The following ACR variants were observed in gnomAD, a reference collection of about 807,000 sequenced individuals.
The protein encoded by ACR is acrosin light and heavy chain prepropeptide.
A neutral mutation model predicts 26.0 loss-of-function variants in ACR; 17 were observed. The ratio of observed to expected loss-of-function variants is 0.65; its 90% CI spans 0.45 to 0.98. The LOEUF (loss-of-function observed/expected upper bound fraction) is 0.98. Among genes scored for constraint, ACR ranks in the 50% least tolerant of loss-of-function variants. ACR has a pLI of 0.00. For synonymous variants in ACR, 199 were observed against 207.7 expected (o/e 0.96, Z 0.36); for missense variants, 435 against 519.3 (o/e 0.84, Z 1.58).
rs781501868 is a variant in ACR at position 50,744,688 on chromosome 22, C to T, written c.747C>T (p.Ser249=). Residue 249 remains serine (S), a synonymous_variant, in exon 5 of 5, where the codon AGC becomes AGT. Coordinates refer to ENST00000216139, the MANE Select transcript of ACR (RefSeq NM_001097.3). ...GCGGGCCTCTCATGTGCAAAGACAG[C>T]AAGGAAAGCGCCTATGTGGTCGTGG... The part of the protein sequence containing the change: ...DSGGPLMCKD[S]KESAYVVVGI... 9.3e-6 allele frequency: 15 copies of T among 1,613,038 alleles called. No homozygotes were observed. Among genetic ancestry groups the T allele is most frequent in the Non-Finnish European group, 1.2e-5 (14 of 1,179,730 alleles).
In ACR at chr22:50,744,703, T is replaced by C. The variant is rs2083441395; in HGVS notation, c.762T>C (p.Tyr254=). The change falls in exon 5 of 5, where the codon TAT becomes TAC. Residue 254 remains tyrosine (Y), a synonymous_variant. Transcript: ENST00000216139. ...GCAAAGACAGCAAGGAAAGCGCCTA[T>C]GTGGTCGTGGGAATCACAAGCTGGG... ...LMCKDSKESA[Y]VVVGITSWGV... The C allele has an allele frequency of 2.5e-6, 4 of 1,613,376 alleles. No individual in the cohort carries two copies. Among genetic ancestry groups the C allele is most frequent in the Non-Finnish European group, 2.5e-6 (3 of 1,179,836 alleles).
Position 50,739,663 on chromosome 22 carries a change from G to A in ACR, c.282-31G>A, listed in dbSNP as rs1242902827. 6.5e-7 allele frequency: 1 copy of A among 1,537,968 alleles called. No homozygotes were observed. Among genetic ancestry groups the A allele is most frequent in the African/African-American group, 1.4e-5 (1 of 72,624 alleles). ...CTGTCACCAGGCTTTTGTCCAGCCG[G>A]TTGTGACCTGGCTTACCTTTGTGCC... On this transcript the variant is annotated intron_variant, in intron 2 of 4. Transcript: ENST00000216139. This position sits in a 1 kb window ranked among gnomAD's most constrained non-coding sequence, Gnocchi z 5.5.
chr22:50,738,993 G>A (rs2083411456), intron 1 of ACR, among the ~76,000 whole-genome samples: 1 of 152,166 alleles, frequency 6.6e-6, no homozygotes, highest in South Asian at 2.1e-4. Context: ...CCCAGGGACG[G>A]GCCATCCCTC....
Position 50,739,647 on chromosome 22 carries a change from G to C in ACR, c.282-47G>C, listed in dbSNP as rs776310766. ...AAGGCCCTGAGGGTCGCTGTCACCAGGCTTTTGTCCAGCCGGTTGTGACCT... is the reference window on the plus strand; with the variant it reads ...AAGGCCCTGAGGGTCGCTGTCACCACGCTTTTGTCCAGCCGGTTGTGACCT... On this transcript the variant is annotated intron_variant, in intron 2 of 4. Coordinates refer to ENST00000216139, the MANE Select transcript of ACR (RefSeq NM_001097.3). This position sits in a 1 kb window ranked among gnomAD's most constrained non-coding sequence, Gnocchi z 5.5. 1.3e-6 allele frequency: 2 copies of C among 1,541,016 alleles called. No individual in the cohort carries two copies. The highest frequency in any genetic ancestry group is 1.7e-6 in the Non-Finnish European group (2 of 1,144,434).
At position 50,745,100 on chromosome 22, in the gene ACR, C is replaced by T. The variant is rs1284811803; in HGVS notation, c.1159C>T (p.Arg387Cys). ...TCCCCAAGGACTTTCTTTTGCCAAG[C>T]GCCTACAGCAGCTCATAGAGGTCTT... Reference protein sequence around the residue: ...KLPQGLSFAKRLQQLIEVLKG... With the variant: ...KLPQGLSFAKCLQQLIEVLKG... The change falls in exon 5 of 5, where the codon CGC becomes TGC. Residue 387 changes from arginine to cysteine, a missense_variant. By Grantham distance (180) the Arg-to-Cys change is radical. This residue lies in a region of ACR where 92 missense variants were observed against 87.8 expected (regional missense o/e 1.05). Transcript: ENST00000216139. The T allele has an allele frequency of 1.9e-5, 14 of 727,300 alleles. No individual in the cohort carries two copies. The highest frequency in any genetic ancestry group is 6.6e-5 in the Admixed American group (2 of 30,122). 45.1% of individuals were successfully genotyped at this position (727,300 alleles called of 1,614,324 possible). A position where few individuals can be genotyped will look rare whatever the true frequency, so the allele number is the denominator to read the frequency against.
At chr22:50,738,870 C>T (rs2083410822) in intron 1 of ACR, among the ~76,000 whole-genome samples, 1 of 152,066 alleles carries the variant, frequency 6.6e-6, no homozygotes, top group Non-Finnish European at 1.5e-5. Context: ...CAACGACCCC[C>T]TTCATCACCT....
intron 3 of ACR, 71 bp from the exon 4 acceptor site, chr22:50,743,990 G>A (rs1487953573): frequency 1.4e-5 from 16 of 1,125,830 alleles, no homozygotes; most frequent in Middle Eastern, 2.1e-4. Flanking sequence ...GATGGGGTTC[G>A]GTGGGGCAAG....
rs1569122944 is a variant in ACR, at chr22:50,739,287, CGGTTCA to C, written c.97_102del (p.Phe33_Arg34del). 2 of 1,580,410 alleles carry C rather than the reference CGGTTCA, an allele frequency of 1.3e-6. No homozygotes were observed. The highest frequency in any genetic ancestry group is 4.6e-5 in the East Asian group (2 of 43,128). ...TCTCCCCAGTGGCCCCTGTGGGTTA[CGGTTCA>C]GGCAAAACCCACAGGGTGGTGTCCG... On this transcript the variant is annotated inframe_deletion, in exon 2 of 5. Coordinates refer to ENST00000216139, the MANE Select transcript of ACR (RefSeq NM_001097.3). This position sits in a 1 kb window ranked among gnomAD's most constrained non-coding sequence, Gnocchi z 5.5.
Position 50,739,768 on chromosome 22 carries a change from C to T in ACR, c.356C>T (p.Pro119Leu). The change falls in exon 3 of 5, where the codon CCT (proline) becomes CTT (leucine). Residue 119 changes from proline to leucine, a missense_variant. Physicochemically the swap from Pro to Leu is moderately conservative, Grantham distance 98. This residue lies in a region of ACR where 314 missense variants were observed against 372.0 expected (regional missense o/e 0.84). Transcript: ENST00000216139. The surrounding 1 kb of genome is among the most constrained non-coding windows in gnomAD (Gnocchi z 5.5). ...TYGNNKPVKA[P>L]LQERYVEKII... ...GGGAACAATAAACCAGTAAAGGCGCCTCTGCAAGAGAGATATGTGGAGAAA... is the reference window on the plus strand; with the variant it reads ...GGGAACAATAAACCAGTAAAGGCGCTTCTGCAAGAGAGATATGTGGAGAAA... The T allele has an allele frequency of 6.3e-7, 1 of 1,584,466 alleles. No individual in the cohort carries two copies. The highest frequency in any genetic ancestry group is 1.2e-5 in the South Asian group (1 of 86,144).
At chr22:50,743,246 A>G (rs887374116) in intron 3 of ACR, among the ~76,000 whole-genome samples, 5 of 152,096 alleles carry the variant, frequency 3.3e-5, no homozygotes, top group South Asian at 4.1e-4. Flanking sequence ...CGTGTTAGCC[A>G]GGATGGTCTC....
intron 3 of ACR, chr22:50,740,502 A>T (rs2146853844): frequency 1.5e-6 from 1 of 668,872 alleles, no homozygotes; most frequent in East Asian, 2.7e-5. Flanking sequence ...CCTCCGGTGC[A>T]GTCATAGCAC....
At position 50,740,001 on chromosome 22, in the gene ACR, G is replaced by T. The variant is rs776109873; in HGVS notation, c.565+24G>T. On this transcript the variant is annotated intron_variant, in intron 3 of 4. Coordinates refer to ENST00000216139, the MANE Select transcript of ACR (RefSeq NM_001097.3). ...AGGTGAGTATGGGAGCGCCTCCAAGGGGGGACGCTGCTGGCCATTCTCCTG... is the reference window on the plus strand; with the variant it reads ...AGGTGAGTATGGGAGCGCCTCCAAGTGGGGACGCTGCTGGCCATTCTCCTG... The T allele has an allele frequency of 5.8e-5, 93 of 1,612,166 alleles. 1 individual carries two copies. Among genetic ancestry groups the T allele is most frequent in the Admixed American group, 3.2e-4 (19 of 60,008 alleles).
chr22:50,738,445 G>T, intron 1 of ACR, 133 bp downstream of exon 1: 1 of 884,214 alleles, frequency 1.1e-6, no homozygotes, highest in Non-Finnish European at 1.8e-6. Context: ...AGAATCAGCA[G>T]CCTGGAGCCC....
intron 3 of ACR, among the ~76,000 whole-genome samples, chr22:50,741,871 C>G (rs1212877349): frequency 2.6e-5 from 4 of 151,214 alleles, no homozygotes; most frequent in Non-Finnish European, 5.9e-5. Context: ...GTTGCTCATT[C>G]CTGTAATTTA....
At chr22:50,741,746 T>A (rs192232940) in intron 3 of ACR, among the ~76,000 whole-genome samples, 1 of 151,232 alleles carries the variant, frequency 6.6e-6, no homozygotes, top group African/African-American at 2.4e-5. Flanking sequence ...CTTCAACTCA[T>A]CTGCTTTGGG....
rs372103471 is a variant in ACR at position 50,744,931 on chromosome 22, G to A, written c.990G>A (p.Pro330=). 3.5e-5 allele frequency: 54 copies of A among 1,533,878 alleles called. No homozygotes were observed. In the African/African-American group the frequency reaches 6.1e-4, roughly 17 times the overall value. Reference sequence around the variant, plus strand: ...CTCACCTTCCTTGGTATTTCCAACCGCCCCCTCGACCACTTCCACCCCGAC... The same window carrying A: ...CTCACCTTCCTTGGTATTTCCAACCACCCCCTCGACCACTTCCACCCCGAC... The part of the protein sequence containing the change: ...ISAHLPWYFQ[P]PPRPLPPRPP... The change falls in exon 5 of 5, where the codon CCG becomes CCA. Residue 330 remains proline, a synonymous_variant. Coordinates refer to ENST00000216139, the MANE Select transcript of ACR (RefSeq NM_001097.3).
At chr22:50,743,020 TAG>T (rs1256585743) in intron 3 of ACR, among the ~76,000 whole-genome samples, 2 of 152,092 alleles carry the variant, frequency 1.3e-5, no homozygotes, top group Non-Finnish European at 2.9e-5. Context: ...AAGGTCACGG[TAG>T]AGAGTCCAGC....
At chr22:50,741,628 G>T (rs1452621774) in intron 3 of ACR, among the ~76,000 whole-genome samples, 5 of 151,672 alleles carry the variant, frequency 3.3e-5, no homozygotes, top group Admixed American at 6.6e-5. Context: ...GGGTTTTTTT[G>T]TTTTTCATTT....
intron 3 of ACR, chr22:50,740,451 C>G: frequency 1.6e-6 from 1 of 620,992 alleles, no homozygotes; most frequent in Non-Finnish European, 2.9e-6. Flanking sequence ...CAGGGCCCAG[C>G]CTTCCTGCTT....
Sources: allele counts gnomAD v4.1 joint callset (sites outside exome capture counted in the v4.1 genomes callset), GRCh38; gene constraint gnomAD v4.1.1; regional missense constraint gnomAD v4.1.1; non-coding constraint Gnocchi (gnomAD v3.1); transcripts MANE v1.5; gene names NCBI Gene and HGNC (gene_info 2026-07-23, HGNC 2026-07-21).